FSTL5: variants seen among roughly 807,000 people sequenced by gnomAD.
The protein encoded by FSTL5 is follistatin-related protein 5.
A neutral mutation model predicts 89.1 loss-of-function variants in FSTL5; 62 were observed. That is an observed-to-expected ratio of 0.70 (90% CI 0.57 to 0.86). The LOEUF (loss-of-function observed/expected upper bound fraction) is 0.86, where lower values mean the gene tolerates loss of function less well. FSTL5 is among the 40% of genes least tolerant of loss of function. The pLI is 0.00. For missense variants in FSTL5, 1,057 were observed against 1,001.6 expected, an observed-to-expected ratio of 1.06 and a Z score of -0.75; for synonymous variants, 383 against 346.2, an observed-to-expected ratio of 1.11 and a Z score of -1.18.
At chr4:161,757,147 G>A (rs1740598202) in intron 6 of FSTL5, among the ~76,000 whole-genome samples, 1 of 152,050 alleles carries the variant, frequency 6.6e-6, no homozygotes, top group Non-Finnish European at 1.5e-5. Context: ...TTTTATTTAT[G>A]TTATTCTTTC....
rs1002699681 is a variant in FSTL5, at chr4:161,910,336, G to C, written c.409+10068C>G. Among the ~76,000 whole-genome samples the C allele has an allele frequency of 1.1e-4, 17 of 152,100 alleles. No homozygotes were observed. The Middle Eastern group carries it at 0.01, about 91-fold the overall frequency. ...TTCATCTTAACTATACAGTCCCTTG[G>C]CATTTTCTCTTTATTGTCATACTTA... On this transcript the variant is annotated intron_variant, in intron 4 of 15. Transcript: ENST00000306100.
At chr4:161,655,035 C>T (rs541358113) in intron 7 of FSTL5, among the ~76,000 whole-genome samples, 13 of 152,158 alleles carry the variant, frequency 8.5e-5, no homozygotes, top group Admixed American at 7.8e-4. Flanking sequence ...AAAACATGTT[C>T]TTTCATGCTA....
At chr4:161,696,971 G>A (rs534823365) in intron 6 of FSTL5, among the ~76,000 whole-genome samples, 1 of 152,226 alleles carries the variant, frequency 6.6e-6, no homozygotes, top group African/African-American at 2.4e-5. Context: ...TTCTGGCTAG[G>A]ACTTCTAGTA....
chr4:161,707,832 T>C (rs1474482367), intron 6 of FSTL5, among the ~76,000 whole-genome samples: 2 of 151,970 alleles, frequency 1.3e-5, no homozygotes, highest in African/African-American at 4.8e-5. Context: ...CTGGATAATG[T>C]GTTCATTTCA....
chr4:161,558,612 C>T (rs936565076), intron 8 of FSTL5, among the ~76,000 whole-genome samples: 1 of 151,804 alleles, frequency 6.6e-6, no homozygotes, highest in African/African-American at 2.4e-5. Flanking sequence ...GCGTCCACAC[C>T]GTTCTGGTTC....
Position 161,762,020 on chromosome 4 carries a change from C to A in FSTL5, c.607-2489G>T, listed in dbSNP as rs564137543. Reference sequence around the variant, plus strand: ...ACTTTCCTATGACTTTTCTTCTTTTCTGTTTTTTCACATCTTTATTGAGGT... The same window carrying A: ...ACTTTCCTATGACTTTTCTTCTTTTATGTTTTTTCACATCTTTATTGAGGT... On this transcript the variant is annotated intron_variant, in intron 5 of 15. Coordinates refer to ENST00000306100, the MANE Select transcript of FSTL5 (RefSeq NM_020116.5). 7.9e-5 allele frequency among the ~76,000 whole-genome samples: 12 copies of A among 152,096 alleles called. No individual in the cohort carries two copies. The East Asian group carries it at 2.3e-3, about 29-fold the overall frequency.
intron 2 of FSTL5, among the ~76,000 whole-genome samples, chr4:162,070,213 T>C (rs1369116014): frequency 6.6e-6 from 1 of 151,940 alleles, no homozygotes; most frequent in East Asian, 1.9e-4. Flanking sequence ...TTTTGTTTGT[T>C]TGTTGTTTCT....
intron 2 of FSTL5, among the ~76,000 whole-genome samples, chr4:162,045,119 C>T (rs1455446363): frequency 3.9e-5 from 6 of 152,134 alleles, no homozygotes; most frequent in Non-Finnish European, 8.8e-5. Context: ...CAGCCTGTCT[C>T]GGCTTTTGTT....
chr4:161,605,345 A>G (rs951802131), intron 7 of FSTL5, among the ~76,000 whole-genome samples: 2 of 152,198 alleles, frequency 1.3e-5, no homozygotes, highest in Non-Finnish European at 1.5e-5. Context: ...TTATTTATTT[A>G]TACTGTAATT....
intron 6 of FSTL5, among the ~76,000 whole-genome samples, chr4:161,712,941 T>C (rs754973115): frequency 6.6e-6 from 1 of 152,180 alleles, no homozygotes; most frequent in African/African-American, 2.4e-5. Flanking sequence ...GACTAGCAGA[T>C]GCTGGTGTCA....
intron 4 of FSTL5, among the ~76,000 whole-genome samples, chr4:161,818,039 A>G (rs1023150312): frequency 6.6e-6 from 1 of 152,182 alleles, no homozygotes; most frequent in Non-Finnish European, 1.5e-5. Flanking sequence ...CCATGCCCCC[A>G]TCCTGTGCCT....
At chr4:162,080,789 T>C (rs1304302976) in intron 2 of FSTL5, among the ~76,000 whole-genome samples, 2 of 151,660 alleles carry the variant, frequency 1.3e-5, no homozygotes, top group East Asian at 3.9e-4. Context: ...TTGATGTGAG[T>C]TTGAGAAACA....
intron 1 of FSTL5, among the ~76,000 whole-genome samples, chr4:162,157,540 A>G (rs1733529241): frequency 6.6e-6 from 1 of 152,148 alleles, no homozygotes; most frequent in East Asian, 1.9e-4. Flanking sequence ...AATCAGGAAC[A>G]ATGAGTTACA....
Position 161,555,201 on chromosome 4 carries a change from TA to T in FSTL5, c.1016-12509del, listed in dbSNP as rs1250731294. Among the ~76,000 whole-genome samples the T allele has an allele frequency of 4.6e-5, 7 of 151,660 alleles. No individual in the cohort carries two copies. In the East Asian group the frequency reaches 1.4e-3, roughly 30 times the overall value. ...GACATTGTAAGAAATTACAATGCTT[TA>T]ACCTATTTTGAAAGAGACAGTTCAC... On this transcript the variant is annotated intron_variant, in intron 8 of 15. Coordinates refer to ENST00000306100, the MANE Select transcript of FSTL5 (RefSeq NM_020116.5).
chr4:161,841,704 T>C (rs1731216575), intron 4 of FSTL5, among the ~76,000 whole-genome samples: 1 of 152,190 alleles, frequency 6.6e-6, no homozygotes. Context: ...GTAGTATTAA[T>C]TGCTGATCCT....
intron 4 of FSTL5, among the ~76,000 whole-genome samples, chr4:161,895,861 C>G (rs1733142110): frequency 6.6e-6 from 1 of 152,052 alleles, no homozygotes; most frequent in African/African-American, 2.4e-5. Context: ...AATCAGTATT[C>G]AGGATTCCAG....
At chr4:161,413,909 T>A (rs960943124) in intron 15 of FSTL5, among the ~76,000 whole-genome samples, 1 of 152,120 alleles carries the variant, frequency 6.6e-6, no homozygotes, top group African/African-American at 2.4e-5. Flanking sequence ...TAGGCACTGA[T>A]GAACACTAAA....
chr4:161,447,349 T>C (rs937433113), intron 15 of FSTL5, among the ~76,000 whole-genome samples: 15 of 152,080 alleles, frequency 9.9e-5, no homozygotes, highest in African/African-American at 2.9e-4. Context: ...TCAAATCGCA[T>C]TGACCCATAC....
chr4:161,436,728 G>A (rs571329692), intron 15 of FSTL5, among the ~76,000 whole-genome samples: 125 of 152,240 alleles, frequency 8.2e-4, no homozygotes, highest in African/African-American at 2.9e-3. Context: ...ATCTATGCCC[G>A]CAGATGGTCA....
Sources: gnomAD v4.1 joint callset for allele counts (sites outside exome capture counted in the v4.1 genomes callset) on GRCh38, gnomAD v4.1.1 for gene constraint, MANE v1.5 for transcripts, NCBI Gene and HGNC (gene_info 2026-07-23, HGNC 2026-07-21) for gene names.